SERPINB13: variants seen among roughly 807,000 people sequenced by gnomAD.
SERPINB13 encodes the protein serpin B13.
Under a neutral mutation model 31.2 loss-of-function variants are expected in SERPINB13, and 26 were observed. That is an observed-to-expected ratio of 0.83 (90% confidence interval 0.61 to 1.15). SERPINB13 has a LOEUF of 1.15. Ranked by LOEUF, SERPINB13 falls within the 50% of genes most tolerant of loss-of-function variation. The pLI is 0.00. For synonymous variants in SERPINB13, 191 were observed against 172.4 expected (o/e 1.11, Z -0.85); for missense variants, 510 against 469.4 (o/e 1.09, Z -0.80).
intron 6 of SERPINB13, 77 bp from the exon 7 acceptor site, chr18:63,594,952 T>G: frequency 7.4e-7 from 1 of 1,353,508 alleles, no homozygotes; most frequent in East Asian, 2.3e-5. Flanking sequence ...CTAATTATTT[T>G]GATGAACTAA....
At chr18:63,592,601 T>C in intron 4 of SERPINB13, 125 bp downstream of exon 4, 1 of 1,002,914 alleles carries the variant, frequency 1.0e-6, no homozygotes, top group African/African-American at 1.6e-5. Flanking sequence ...TGCTTTTCCA[T>C]CCTGATCTAC....
Position 63,595,149 on chromosome 18 carries a change from G to T in SERPINB13, c.736G>T (p.Val246Leu). 9.9e-6 allele frequency: 16 copies of T among 1,613,854 alleles called. No individual in the cohort carries two copies. Among genetic ancestry groups the T allele is most frequent in the Non-Finnish European group, 1.3e-5 (15 of 1,179,946 alleles). ...PYKNNDLSMF[V>L]LLPNDIDGLE... Reference sequence around the variant, plus strand: ...TAAAAACAACGACCTAAGCATGTTTGTGCTTCTGCCCAACGACATCGATGG... The same window carrying T: ...TAAAAACAACGACCTAAGCATGTTTTTGCTTCTGCCCAACGACATCGATGG... The change falls in exon 7 of 8, where the codon GTG becomes TTG. Residue 246 changes from valine to leucine, a missense_variant. By Grantham distance (32) the Val-to-Leu change is conservative. Coordinates refer to ENST00000344731, the MANE Select transcript of SERPINB13 (RefSeq NM_012397.4).
chr18:63,592,547 G>A, intron 4 of SERPINB13, 71 bp downstream of exon 4: 2 of 1,474,074 alleles, frequency 1.4e-6, no homozygotes, highest in Non-Finnish European at 1.9e-6. Context: ...GTAGGACTAT[G>A]GGTCCTGAAG....
intron 2 of SERPINB13, among the ~76,000 whole-genome samples, chr18:63,589,207 G>C (rs1347696544): frequency 1.3e-5 from 2 of 152,284 alleles, no homozygotes; most frequent in Non-Finnish European, 2.9e-5. Flanking sequence ...TTTTAGTAAA[G>C]AAGGGGATTC....
At chr18:63,595,242 G>T in intron 7 of SERPINB13, 58 bp downstream of exon 7, 1 of 1,531,180 alleles carries the variant, frequency 6.5e-7, no homozygotes, top group South Asian at 1.3e-5. Context: ...TTGTCTCAGG[G>T]CTTCTGAGTA....
intron 2 of SERPINB13, 88 bp from the exon 3 acceptor site, chr18:63,589,568 T>C: frequency 6.6e-7 from 1 of 1,519,002 alleles, no homozygotes; most frequent in African/African-American, 1.4e-5. Flanking sequence ...CCGAGGTTTC[T>C]TTCAGAAGCG....
intron 5 of SERPINB13, among the ~76,000 whole-genome samples, 185 bp downstream of exon 5, chr18:63,593,156 A>G (rs1348605210): frequency 3.9e-5 from 6 of 152,196 alleles, no homozygotes; most frequent in Non-Finnish European, 8.8e-5. Flanking sequence ...GGGCAAGCCC[A>G]GGCCTAGGAG....
At chr18:63,594,571 T>C (rs867990627) in intron 6 of SERPINB13, 74 bp downstream of exon 6, 3 of 1,524,740 alleles carry the variant, frequency 2.0e-6, no homozygotes, top group Middle Eastern at 4.5e-4. Flanking sequence ...CTGGGCGTGG[T>C]GGCTGACACC....
At chr18:63,591,776 A>G (rs773443478) in intron 3 of SERPINB13, among the ~76,000 whole-genome samples, 12 of 152,054 alleles carry the variant, frequency 7.9e-5, no homozygotes, top group Non-Finnish European at 1.3e-4. Context: ...GACATTCTAG[A>G]TATGTCGTTA....
intron 2 of SERPINB13, among the ~76,000 whole-genome samples, chr18:63,589,451 TCA>T (rs112829867): frequency 0.043 from 4,792 of 111,876 alleles, 190 homozygotes; most frequent in African/African-American, 0.1. Flanking sequence ...CAAAACTCCA[TCA>T]CACACACACA....
Position 63,594,381 on chromosome 18 carries a change from G to A in SERPINB13, c.499G>A (p.Gly167Ser). 2 of 1,614,132 alleles carry A rather than the reference G, an allele frequency of 1.2e-6. No individual in the cohort carries two copies. The highest frequency in any genetic ancestry group is 1.7e-6 in the Non-Finnish European group (2 of 1,180,014). ...NEKIKDLFPD[G>S]SISSSTKLVL... ...AAAAATCAAGGACTTGTTCCCAGATGGCTCTATTAGTAGCTCTACCAAGCT... is the reference window on the plus strand; with the variant it reads ...AAAAATCAAGGACTTGTTCCCAGATAGCTCTATTAGTAGCTCTACCAAGCT... The change falls in exon 6 of 8, where the codon GGC (glycine) becomes AGC (serine). Residue 167 changes from glycine (G) to serine (S), a missense_variant. By Grantham distance (56) the Gly-to-Ser change is moderately conservative. Transcript: ENST00000344731.
At chr18:63,594,330 C>T (rs754361059) in intron 5 of SERPINB13, 25 bp from the exon 6 acceptor site, 27 of 1,613,244 alleles carry the variant, frequency 1.7e-5, no homozygotes, top group Non-Finnish European at 1.9e-5. Context: ...GATGGGTCAA[C>T]CTTTTTCTGT....
chr18:63,593,343 G>A (rs775425566), intron 5 of SERPINB13, among the ~76,000 whole-genome samples: 3 of 152,124 alleles, frequency 2.0e-5, no homozygotes, highest in Non-Finnish European at 4.4e-5. Flanking sequence ...TGCCTGTCTT[G>A]GGTTTACATT....
At position 63,594,940 on chromosome 18, in the gene SERPINB13, A is replaced by G; in HGVS notation, c.616-89A>G. Reference sequence around the variant, plus strand: ...TGATATTGGGTTTTATTTTAGATTGAGCTAATTATTTTGATGAACTAACTT... The same window carrying G: ...TGATATTGGGTTTTATTTTAGATTGGGCTAATTATTTTGATGAACTAACTT... On this transcript the variant is annotated intron_variant, in intron 6 of 7. Coordinates refer to ENST00000344731, the MANE Select transcript of SERPINB13 (RefSeq NM_012397.4). The G allele has an allele frequency of 1.0e-5, 12 of 1,202,844 alleles. No homozygotes were observed. The South Asian group carries it at 1.2e-4, about 12-fold the overall frequency. The allele number at this position is 1,202,844 out of a possible 1,614,324, so 74.5% of individuals were successfully genotyped here.
At chr18:63,592,285 A>G (rs1911898631) in intron 3 of SERPINB13, 63 bp from the exon 4 acceptor site, 19 of 1,567,478 alleles carry the variant, frequency 1.2e-5, no homozygotes, top group Non-Finnish European at 1.5e-5. Flanking sequence ...GCATCCTCTT[A>G]GGGGAGAATC....
intron 1 of SERPINB13, among the ~76,000 whole-genome samples, chr18:63,588,109 C>G (rs1911617251): frequency 6.6e-6 from 1 of 152,154 alleles, no homozygotes; most frequent in African/African-American, 2.4e-5. Context: ...TCAATCCTGT[C>G]ACTCTCTGGG....
chr18:63,590,703 G>A (rs1291683378), intron 3 of SERPINB13, among the ~76,000 whole-genome samples: 10 of 152,228 alleles, frequency 6.6e-5, no homozygotes, highest in Admixed American at 2.0e-4. Flanking sequence ...TATGTGAAGG[G>A]CTAGATGACT....
chr18:63,597,407 T>G lies in SERPINB13; in HGVS notation c.*44T>G, dbSNP rs761184756. ...ATTGCTGCTTTTAGCAAAAAACAACTACCAGTGTTACTCATATGATTATGA... is the reference window on the plus strand; with the variant it reads ...ATTGCTGCTTTTAGCAAAAAACAACGACCAGTGTTACTCATATGATTATGA... On this transcript the variant is annotated 3_prime_UTR_variant, in exon 8 of 8. Coordinates refer to ENST00000344731, the MANE Select transcript of SERPINB13 (RefSeq NM_012397.4). The G allele has an allele frequency of 7.8e-6, 12 of 1,541,450 alleles. No homozygotes were observed. In the Admixed American group the frequency reaches 2.0e-4, roughly 25 times the overall value.
At chr18:63,589,829 C>A in intron 3 of SERPINB13, 114 bp downstream of exon 3, 1 of 1,566,446 alleles carries the variant, frequency 6.4e-7, no homozygotes, top group Admixed American at 1.9e-5. Flanking sequence ...GGCATGAAAG[C>A]AATATTGTTG....
Sources: gnomAD v4.1 joint callset for allele counts (sites outside exome capture counted in the v4.1 genomes callset) on GRCh38, gnomAD v4.1.1 for gene constraint, MANE v1.5 for transcripts, NCBI Gene and HGNC (gene_info 2026-07-23, HGNC 2026-07-21) for gene names.